The following PPP2R5E variants were observed in gnomAD, a reference collection of about 807,000 sequenced individuals.
PPP2R5E encodes the protein protein phosphatase 2 regulatory subunit B'epsilon, also known as serine/threonine-protein phosphatase 2A 56 kDa regulatory subunit epsilon isoform.
Under a neutral mutation model 65.3 loss-of-function variants are expected in PPP2R5E, and 4 were observed. The ratio of observed to expected loss-of-function variants is 0.06; its 90% confidence interval spans 0.03 to 0.14. PPP2R5E has a LOEUF of 0.14. Ranked by LOEUF, PPP2R5E falls within the 10% of genes least tolerant of loss-of-function variation. The pLI is 1.00. For synonymous variants in PPP2R5E, 183 were observed against 187.4 expected (o/e 0.98, Z 0.19); for missense variants, 274 against 556.1 (o/e 0.49, Z 5.10).
chr14:63,378,333 CT>C (rs1884106653), intron 13 of PPP2R5E, among the ~76,000 whole-genome samples: 1 of 152,196 alleles, frequency 6.6e-6, no homozygotes, highest in Non-Finnish European at 1.5e-5. Flanking sequence ...GGTTGTAAAA[CT>C]TTCTTGTGAA....
chr14:63,440,020 C>T (rs1888138470), intron 3 of PPP2R5E, among the ~76,000 whole-genome samples: 1 of 152,176 alleles, frequency 6.6e-6, no homozygotes, highest in African/African-American at 2.4e-5. Flanking sequence ...ACAAACAGGG[C>T]TGCAAGGTGG....
At chr14:63,463,274 G>A (rs1889595514) in intron 2 of PPP2R5E, among the ~76,000 whole-genome samples, 1 of 151,336 alleles carries the variant, frequency 6.6e-6, no homozygotes, top group South Asian at 2.1e-4. Context: ...CGAGTAGCTG[G>A]GATTACAGGC....
chr14:63,440,286 T>C (rs896684222), intron 3 of PPP2R5E, among the ~76,000 whole-genome samples: 2 of 151,870 alleles, frequency 1.3e-5, no homozygotes, highest in Non-Finnish European at 2.9e-5. Context: ...TGGGAATAAG[T>C]GGTAGGGTAG....
chr14:63,399,839 A>T (rs1265594532), intron 5 of PPP2R5E, among the ~76,000 whole-genome samples: 1 of 152,178 alleles, frequency 6.6e-6, no homozygotes, highest in Non-Finnish European at 1.5e-5. Flanking sequence ...TTAGACTACC[A>T]TCGTCATCAA....
rs567590182 is a variant in PPP2R5E at position 63,422,729 on chromosome 14, T to TAAA, written c.355-638_355-636dup. Among the ~76,000 whole-genome samples, 149 of 88,230 alleles carry TAAA rather than the reference T, an allele frequency of 1.7e-3. 2 individuals carry two copies. Among genetic ancestry groups the TAAA allele is most frequent in the Non-Finnish European group, 2.5e-3 (107 of 43,398 alleles). The allele number at this position is 88,230 out of a possible 152,430, so 57.9% of individuals were successfully genotyped here. On this transcript the variant is annotated intron_variant, in intron 3 of 13. Transcript: ENST00000337537. ...ATGAAAGAGCGAGACTCCGTCTATT[T>TAAA]AAAAAAAAAAAAAAAAAAAAAAAAA...
chr14:63,389,767 A>G, intron 10 of PPP2R5E, 36 bp from the exon 11 acceptor site: 2 of 1,524,600 alleles, frequency 1.3e-6, no homozygotes, highest in Non-Finnish European at 1.8e-6. Flanking sequence ...TGTGAGGCAC[A>G]TCATGAAAAA....
intron 2 of PPP2R5E, among the ~76,000 whole-genome samples, chr14:63,465,103 T>C (rs1026041501): frequency 6.7e-6 from 1 of 150,112 alleles, no homozygotes; most frequent in East Asian, 1.9e-4. Flanking sequence ...AAATGAAAAA[T>C]CATTTCTAGG....
chr14:63,393,056 G>A (rs759618200), intron 8 of PPP2R5E, among the ~76,000 whole-genome samples: 5 of 152,204 alleles, frequency 3.3e-5, no homozygotes, highest in Non-Finnish European at 7.3e-5. Flanking sequence ...GAGAGTGCTT[G>A]TGTGTAGAAA....
At chr14:63,528,329 T>C (rs1391897538) in intron 2 of PPP2R5E, among the ~76,000 whole-genome samples, 1 of 152,210 alleles carries the variant, frequency 6.6e-6, no homozygotes, top group Non-Finnish European at 1.5e-5. Context: ...TATTCTCTCT[T>C]AAACTATATA....
chr14:63,542,597 CAG>C (rs1893945262), intron 1 of PPP2R5E, among the ~76,000 whole-genome samples, 180 bp downstream of exon 1: 1 of 152,080 alleles, frequency 6.6e-6, no homozygotes, highest in African/African-American at 2.4e-5. Flanking sequence ...GAGGTATCAT[CAG>C]AAGCATTTGT....
chr14:63,408,895 G>C, intron 5 of PPP2R5E, among the ~76,000 whole-genome samples: 1 of 152,172 alleles, frequency 6.6e-6, no homozygotes. Flanking sequence ...AGGAGTTCAA[G>C]AGCAGCCTGG....
chr14:63,399,939 A>G (rs1472802351), intron 5 of PPP2R5E, among the ~76,000 whole-genome samples: 2 of 152,208 alleles, frequency 1.3e-5, no homozygotes, highest in African/African-American at 4.8e-5. Context: ...CATGGTCAAT[A>G]ATCGAATGTG....
chr14:63,422,215 G>C, intron 3 of PPP2R5E, 121 bp from the exon 4 acceptor site: 1 of 756,806 alleles, frequency 1.3e-6, no homozygotes, highest in South Asian at 1.7e-5. Context: ...CACCAAACTA[G>C]AATAAGGACC....
rs11845472 is a variant in PPP2R5E at position 63,474,835 on chromosome 14, G to C, written c.158-20950C>G. On this transcript the variant is annotated intron_variant, in intron 2 of 13. Coordinates refer to ENST00000337537, the MANE Select transcript of PPP2R5E (RefSeq NM_006246.5). The stretch of plus-strand genomic sequence containing the variant: ...AATAGGCCGGATGAACTCACCTACG[G>C]CAAGAGTGCAGAAAGTGAAGCAGAA... Among the ~76,000 whole-genome samples the C allele has an allele frequency of 9.5e-3, 1,450 of 152,230 alleles. 29 individuals carry two copies. Among genetic ancestry groups the C allele is most frequent in the African/African-American group, 0.034 (1,395 of 41,532 alleles).
At chr14:63,486,229 C>T (rs576471187) in intron 2 of PPP2R5E, among the ~76,000 whole-genome samples, 40 of 151,280 alleles carry the variant, frequency 2.6e-4, no homozygotes, top group African/African-American at 9.5e-4. Context: ...TTCCCAATTC[C>T]CACTTCTCTC....
intron 3 of PPP2R5E, among the ~76,000 whole-genome samples, chr14:63,433,770 T>TA (rs1185022297): frequency 1.3e-5 from 2 of 152,212 alleles, no homozygotes; most frequent in Admixed American, 1.3e-4. Context: ...GGCTACTTCT[T>TA]ATACAGACTT....
intron 3 of PPP2R5E, among the ~76,000 whole-genome samples, chr14:63,448,787 CAAAAAAAAA>C (rs36096050): frequency 1.2e-5 from 1 of 86,610 alleles, no homozygotes; most frequent in Non-Finnish European, 2.5e-5. Context: ...AAGACTTCGT[CAAAAAAAAA>C]AAAAAAAAAA....
chr14:63,377,843 T>C (rs898983359), intron 13 of PPP2R5E, among the ~76,000 whole-genome samples: 3 of 152,192 alleles, frequency 2.0e-5, no homozygotes, highest in Non-Finnish European at 2.9e-5. Flanking sequence ...AATCCTCCAA[T>C]CTTCTTCTGG....
intron 2 of PPP2R5E, among the ~76,000 whole-genome samples, chr14:63,522,049 T>C (rs1303865021): frequency 1.3e-5 from 2 of 148,230 alleles, no homozygotes; most frequent in African/African-American, 4.9e-5. Context: ...CCCTGCCTGA[T>C]TCTCCTGCCT....
Sources: gnomAD v4.1 joint callset for allele counts (sites outside exome capture counted in the v4.1 genomes callset) on GRCh38, gnomAD v4.1.1 for gene constraint, MANE v1.5 for transcripts, NCBI Gene and HGNC (gene_info 2026-07-23, HGNC 2026-07-21) for gene names.